The following PCDH15 variants were observed in gnomAD, a reference collection of about 807,000 sequenced individuals.
PCDH15 encodes the protein protocadherin related 15.
A neutral mutation model predicts 178.5 loss-of-function variants in PCDH15; 129 were observed. The observed-to-expected ratio is 0.72, with a 90% CI of 0.63 to 0.84. PCDH15 has a LOEUF of 0.84. Among genes scored for constraint, PCDH15 ranks in the 40% least tolerant of loss-of-function variants. The probability of loss-of-function intolerance (pLI) is 0.00; values close to 1 mark genes in which losing one functional copy is unlikely to be tolerated. For synonymous variants in PCDH15, 800 were observed against 732.0 expected, an observed-to-expected ratio of 1.09 and a Z score of -1.50; for missense variants, 2,230 against 2,099.9, an observed-to-expected ratio of 1.06 and a Z score of -1.21.
chr10:53,996,065 G>A (rs150173483), intron 20 of PCDH15, among the ~76,000 whole-genome samples: 1 of 152,042 alleles, frequency 6.6e-6, no homozygotes, highest in Non-Finnish European at 1.5e-5. Flanking sequence ...ACTTCTAATG[G>A]TAAGAGGTAA....
chr10:54,026,792 A>C (rs1190217446), intron 18 of PCDH15, among the ~76,000 whole-genome samples: 1 of 152,152 alleles, frequency 6.6e-6, no homozygotes, highest in Non-Finnish European at 1.5e-5. Context: ...ACTTATCTCA[A>C]AATAATAAGA....
chr10:54,400,236 G>A (rs1190149915), intron 3 of PCDH15, among the ~76,000 whole-genome samples: 8 of 152,116 alleles, frequency 5.3e-5, no homozygotes, highest in South Asian at 2.1e-4. Flanking sequence ...CATGTGTAAT[G>A]TCCAATAAAA....
At chr10:54,051,432 A>T (rs1565128785) in intron 18 of PCDH15, among the ~76,000 whole-genome samples, 1 of 152,184 alleles carries the variant, frequency 6.6e-6, no homozygotes, top group Non-Finnish European at 1.5e-5. Flanking sequence ...AGTCCAGCTG[A>T]TGTGGTCTCA....
chr10:55,426,556 T>A (rs1838762208), intron 2 of PCDH15, among the ~76,000 whole-genome samples: 1 of 152,074 alleles, frequency 6.6e-6, no homozygotes, highest in South Asian at 2.1e-4. Flanking sequence ...GCTCTTTAGC[T>A]CGGCCGTCCA....
chr10:55,202,956 C>A (rs1257544857), intron 1 of PCDH15, among the ~76,000 whole-genome samples: 2 of 152,172 alleles, frequency 1.3e-5, no homozygotes, highest in Non-Finnish European at 2.9e-5. Flanking sequence ...CTTCATAAAT[C>A]ATCCAGTCTT....
At chr10:53,888,321 C>CAT (rs1564691134) in intron 26 of PCDH15, among the ~76,000 whole-genome samples, 2 of 26,346 alleles carry the variant, frequency 7.6e-5, no homozygotes, top group African/African-American at 2.8e-4. Context: ...TATATATGTA[C>CAT]GTATATATAT....
At chr10:54,834,799 A>G (rs1591730133) in intron 3 of PCDH15, among the ~76,000 whole-genome samples, 2 of 152,268 alleles carry the variant, frequency 1.3e-5, no homozygotes, top group Admixed American at 1.3e-4. Flanking sequence ...TGTCCTGCCT[A>G]TTTGTGAAAA....
intron 23 of PCDH15, among the ~76,000 whole-genome samples, chr10:53,945,837 G>GTACATATA (rs1554876098): frequency 8.4e-6 from 1 of 119,442 alleles, no homozygotes. Context: ...ATATTTCATT[G>GTACATATA]TATATATATA....
At chr10:54,227,105 C>G (rs2053541098) in intron 9 of PCDH15, among the ~76,000 whole-genome samples, 2 of 152,282 alleles carry the variant, frequency 1.3e-5, no homozygotes, top group Non-Finnish European at 2.9e-5. Context: ...AATGGTGGCC[C>G]TCTTCTCACA....
intron 20 of PCDH15, 44 bp from the exon 21 acceptor site, chr10:53,995,809 G>A (rs747772983): frequency 6.4e-7 from 1 of 1,560,120 alleles, no homozygotes; most frequent in Non-Finnish European, 8.8e-7. Context: ...TTGAAACCAG[G>A]TTAGGGATAC....
intron 6 of PCDH15, among the ~76,000 whole-genome samples, chr10:54,332,325 C>CTATATTATATA (rs1302182949): frequency 8.6e-6 from 1 of 115,716 alleles, no homozygotes; most frequent in African/African-American, 3.1e-5. Flanking sequence ...ATAATATAAT[C>CTATATTATATA]TATATTATAT....
chr10:55,280,195 C>A (rs1842692036), intron 1 of PCDH15, among the ~76,000 whole-genome samples: 1 of 149,020 alleles, frequency 6.7e-6, no homozygotes, highest in African/African-American at 2.5e-5. Context: ...AATTCAGTCA[C>A]ATATGTCAGT....
chr10:54,403,650 C>T (rs950687140), intron 3 of PCDH15, among the ~76,000 whole-genome samples: 1 of 151,884 alleles, frequency 6.6e-6, no homozygotes, highest in African/African-American at 2.4e-5. Flanking sequence ...GGAAGTCAAA[C>T]TACCCCTGCT....
At chr10:54,958,964 G>C (rs1420331233) in intron 2 of PCDH15, among the ~76,000 whole-genome samples, 1 of 151,880 alleles carries the variant, frequency 6.6e-6, no homozygotes, top group African/African-American at 2.4e-5. Flanking sequence ...AGTAACGTGA[G>C]GAAATACTAT....
intron 2 of PCDH15, among the ~76,000 whole-genome samples, chr10:55,149,140 A>G (rs1275319249): frequency 6.7e-6 from 1 of 150,244 alleles, no homozygotes; most frequent in Non-Finnish European, 1.5e-5. Flanking sequence ...ACACATTTCA[A>G]TATGTCTATC....
chr10:54,261,598 A>G lies in PCDH15; in HGVS notation c.877-24667T>C, dbSNP rs79988812. 1.9e-3 allele frequency among the ~76,000 whole-genome samples: 293 copies of G among 152,262 alleles called. 8 individuals carry two copies. The East Asian group carries it at 0.047, about 24-fold the overall frequency. ...ACCTGATAACCTGTAGGAATTTCCT[A>G]CAAGTGGTTTTTAAAGTAAAGCAAG... On this transcript the variant is annotated intron_variant, in intron 8 of 37. Transcript: ENST00000644397.
chr10:55,193,184 C>T (rs1273875615), intron 1 of PCDH15, among the ~76,000 whole-genome samples: 1 of 151,600 alleles, frequency 6.6e-6, no homozygotes, highest in Non-Finnish European at 1.5e-5. Context: ...CGAGTTATGT[C>T]AGAAATTCTA....
In PCDH15 at chr10:54,657,380, T is replaced by C. The variant is rs1281748668; in HGVS notation, c.91+6792A>G. On this transcript the variant is annotated intron_variant, in intron 2 of 37. Coordinates refer to ENST00000644397, the MANE Select transcript of PCDH15 (RefSeq NM_001384140.1). ...CTGTCAGGGTGGGTGCCTCCAGTCA[T>C]TACTGAGCTACCAGAGAATGAGCAG... Among the ~76,000 whole-genome samples the C allele has an allele frequency of 3.9e-5, 6 of 152,130 alleles. No homozygotes were observed. In the East Asian group the frequency reaches 1.2e-3, roughly 29 times the overall value.
At chr10:55,557,247 T>C (rs1842109350) in intron 2 of PCDH15, among the ~76,000 whole-genome samples, 2 of 152,196 alleles carry the variant, frequency 1.3e-5, no homozygotes, top group African/African-American at 2.4e-5. Context: ...TGAACACCCA[T>C]AAGCAGATTG....
Sources: allele counts gnomAD v4.1 joint callset (sites outside exome capture counted in the v4.1 genomes callset), GRCh38; gene constraint gnomAD v4.1.1; transcripts MANE v1.5; gene names NCBI Gene and HGNC (gene_info 2026-07-23, HGNC 2026-07-21).